SIPA1: variants seen among roughly 807,000 people sequenced by gnomAD.
SIPA1 encodes signal-induced proliferation-associated protein 1.
In SIPA1, 51 loss-of-function variants were observed where a neutral mutation model predicts 88.1. The observed-to-expected ratio is 0.58, with a 90% CI of 0.46 to 0.73. The LOEUF (loss-of-function observed/expected upper bound fraction) is 0.73, where lower values mean the gene tolerates loss of function less well. Among genes scored for constraint, SIPA1 ranks in the 30% least tolerant of loss-of-function variants. The pLI is 0.00. For synonymous variants in SIPA1, 681 were observed against 664.8 expected (o/e 1.02, Z -0.37); for missense variants, 1,348 against 1,467.6 (o/e 0.92, Z 1.33).
At chr11:65,638,366 C>T (rs1353329790) in intron 1 of SIPA1, 184 bp downstream of exon 1, 2 of 150,732 alleles carry the variant, frequency 1.3e-5, no homozygotes, top group African/African-American at 5.0e-5. Context: ...CCCCCTGTCT[C>T]TGACCAGCCG....
chr11:65,642,336 G>T lies in SIPA1; in HGVS notation c.766G>T (p.Gly256Cys), dbSNP rs1459776560. ...GGAGGAGAAGGAGGGCAGCGGAGGG[G>T]GCACCCTGCACAGCTACCGCGTCAT... is the stretch of plus-strand genomic sequence containing the variant. Reference protein sequence around the residue: ...RREEKEGSGGGTLHSYRVIVR... With the variant: ...RREEKEGSGGCTLHSYRVIVR... Residue 256 changes from glycine to cysteine, a missense_variant, in exon 3 of 16, where the codon GGC becomes TGC. By Grantham distance (159) the Gly-to-Cys change is radical (BLOSUM62 -3). Transcript: ENST00000534313. The surrounding 1 kb of genome is among the most constrained non-coding windows in gnomAD (Gnocchi z 6.5). 1.3e-6 allele frequency: 2 copies of T among 1,558,472 alleles called. No individual in the cohort carries two copies. The highest frequency in any genetic ancestry group is 2.0e-5 in the Admixed American group (1 of 49,716).
Position 65,650,616 on chromosome 11 carries a change from A to G in SIPA1, c.3030A>G (p.Arg1010=). Residue 1010 remains arginine (R), a synonymous_variant, in exon 16 of 16, where the codon AGA becomes AGG. Transcript: ENST00000534313. ...AALEEEVRSL[R]HNNRRLQAES... ...TGGAGGAGGAGGTGCGGAGCCTGAG[A>G]CACAACAACCGGCGGCTGCAGGCGG... 2 of 1,582,862 alleles carry G rather than the reference A, an allele frequency of 1.3e-6. No individual in the cohort carries two copies. The highest frequency in any genetic ancestry group is 1.1e-5 in the South Asian group (1 of 88,052).
intron 4 of SIPA1, among the ~76,000 whole-genome samples, chr11:65,643,178 G>A (rs538781416): frequency 2.2e-4 from 33 of 152,310 alleles, no homozygotes; most frequent in African/African-American, 7.9e-4. Context: ...GCCTCCCAAA[G>A]TGCTGGGATT....
intron 9 of SIPA1, 34 bp downstream of exon 9, chr11:65,647,692 G>A: frequency 1.5e-6 from 2 of 1,314,546 alleles, no homozygotes; most frequent in Non-Finnish European, 1.9e-6. Context: ...AGGTGGGAGG[G>A]CCGGCAGTTG....
In SIPA1 at chr11:65,640,968, C is replaced by A; in HGVS notation, c.47C>A (p.Ala16Asp). Reference sequence around the variant, plus strand: ...GTGGGGAGCCCTCGGCGGGGCATGGCCCCTGCGTCCACAGATGACCTCTTT... The same window carrying A: ...GTGGGGAGCCCTCGGCGGGGCATGGACCCTGCGTCCACAGATGACCTCTTT... ...GGVGSPRRGM[A>D]PASTDDLFAR... The change falls in exon 2 of 16, where the codon GCC becomes GAC. Residue 16 changes from alanine to aspartate, a missense_variant. Transcript: ENST00000534313. 1 of 1,568,508 alleles carries A rather than the reference C, an allele frequency of 6.4e-7. No homozygotes were observed. The highest frequency in any genetic ancestry group is 8.6e-7 in the Non-Finnish European group (1 of 1,164,766).
chr11:65,645,679 C>T, intron 5 of SIPA1, 175 bp from the exon 6 acceptor site: 1 of 554,106 alleles, frequency 1.8e-6, no homozygotes, highest in Non-Finnish European at 3.2e-6. Context: ...GGAGGAGGGG[C>T]ACCCAGGGCT....
intron 1 of SIPA1, chr11:65,638,439 T>C (rs1855940463): frequency 6.5e-6 from 1 of 152,818 alleles, no homozygotes; most frequent in South Asian, 2.1e-4. Context: ...AAGCGGCGGC[T>C]CCTGACTCCT....
chr11:65,639,798 C>G (rs1345602026), intron 1 of SIPA1: 1 of 152,240 alleles, frequency 6.6e-6, no homozygotes, highest in African/African-American at 2.4e-5. Context: ...AATCTTGCAT[C>G]CTGTGAGACC....
At chr11:65,647,779 A>AAGAATCTCC (rs1856162744) in intron 9 of SIPA1, 121 bp downstream of exon 9, 1 of 765,594 alleles carries the variant, frequency 1.3e-6, no homozygotes, top group Non-Finnish European at 1.7e-6. Context: ...TCCTTCTGGA[A>AAGAATCTCC]AGAATCTCCC....
chr11:65,646,784 G>A lies in SIPA1; in HGVS notation c.1750G>A (p.Gly584Arg), dbSNP rs1440358979. 1 of 1,389,510 alleles carries A rather than the reference G, an allele frequency of 7.2e-7. No individual in the cohort carries two copies. Among genetic ancestry groups the A allele is most frequent in the African/African-American group, 1.5e-5 (1 of 64,798 alleles). The allele number at this position is 1,389,510 out of a possible 1,614,324, so 86.1% of individuals were successfully genotyped here. ...ELQAAGSLVW[G>R]VRAAPGARVA... The stretch of plus-strand genomic sequence containing the variant: ...GCAGGCAGCGGGCTCACTGGTGTGG[G>A]GAGTGCGCGCGGCGCCCGGGGCGCG... Residue 584 changes from glycine to arginine, a missense_variant, in exon 8 of 16, where the codon GGA becomes AGA. Coordinates refer to ENST00000534313, the MANE Select transcript of SIPA1 (RefSeq NM_006747.4). This position sits in a 1 kb window ranked among gnomAD's most constrained non-coding sequence, Gnocchi z 7.5.
rs1162189843 is a variant in SIPA1, at chr11:65,641,480, C to G, written c.559C>G (p.Pro187Ala). ...TGGACCAGCATCCCCACCTGTGCCC[C>G]CTGCACTGCCCAACGCGGCCGTGTC... ...LGGPASPPVP[P>A]ALPNAAVSIL... The change falls in exon 2 of 16, where the codon CCT becomes GCT. Residue 187 changes from proline to alanine, a missense_variant. Physicochemically the swap from Pro to Ala is conservative, Grantham distance 27. This residue lies in a region of SIPA1 where 641 missense variants were observed against 797.7 expected (regional missense o/e 0.80). Transcript: ENST00000534313. 8 of 1,612,238 alleles carry G rather than the reference C, an allele frequency of 5.0e-6. No homozygotes were observed. Among genetic ancestry groups the G allele is most frequent in the Non-Finnish European group, 4.2e-6 (5 of 1,179,998 alleles).
rs545318066 is a variant in SIPA1, at chr11:65,641,664, A to C, written c.679+64A>C. The C allele has an allele frequency of 4.2e-4, 571 of 1,373,972 alleles. 2 individuals carry two copies. The African/African-American group carries it at 7.4e-3, about 18-fold the overall frequency. The allele number at this position is 1,373,972 out of a possible 1,614,324, so 85.1% of individuals were successfully genotyped here. A position where few individuals can be genotyped will look rare whatever the true frequency, so the allele number is the denominator to read the frequency against. Reference sequence around the variant, plus strand: ...TGAAGAAGAGGTCCCTGTCACCTGCAGTGCACACAGTAGGGCTCATGAACT... The same window carrying C: ...TGAAGAAGAGGTCCCTGTCACCTGCCGTGCACACAGTAGGGCTCATGAACT... On this transcript the variant is annotated intron_variant, in intron 2 of 15. Coordinates refer to ENST00000534313, the MANE Select transcript of SIPA1 (RefSeq NM_006747.4).
chr11:65,647,511 C>A lies in SIPA1; in HGVS notation c.2159C>A (p.Ala720Glu). 1 of 1,392,402 alleles carries A rather than the reference C, an allele frequency of 7.2e-7. No individual in the cohort carries two copies. The highest frequency in any genetic ancestry group is 1.5e-5 in the South Asian group (1 of 66,972). The allele number at this position is 1,392,402 out of a possible 1,614,324, so 86.3% of individuals were successfully genotyped here. The change falls in exon 9 of 16, where the codon GCG becomes GAG. Residue 720 changes from alanine (A) to glutamate (E), a missense_variant. Transcript: ENST00000534313. ...HVERFTFAET[A>E]GLRPGARLLR... ...GAGCGCTTCACATTCGCCGAGACGG[C>A]GGGGCTGCGGCCCGGGGCGCGCCTC...
Position 65,641,450 on chromosome 11 carries a change from C to G in SIPA1, c.529C>G (p.Leu177Val). 1 of 1,612,426 alleles carries G rather than the reference C, an allele frequency of 6.2e-7. No homozygotes were observed. The highest frequency in any genetic ancestry group is 1.1e-5 in the South Asian group (1 of 91,058). The part of the protein sequence containing the change: ...CELGGEGELG[L>V]GGPASPPVPP... ...GCTCGGGGGTGAGGGTGAGCTAGGC[C>G]TGGGTGGACCAGCATCCCCACCTGT... Residue 177 changes from leucine (L) to valine (V), a missense_variant, in exon 2 of 16, where the codon CTG becomes GTG. Coordinates refer to ENST00000534313, the MANE Select transcript of SIPA1 (RefSeq NM_006747.4).
rs139545189 is a variant in SIPA1 at position 65,650,627 on chromosome 11, G to C, written c.3041G>C (p.Arg1014Pro). 1.9e-6 allele frequency: 3 copies of C among 1,572,196 alleles called. No individual in the cohort carries two copies. The highest frequency in any genetic ancestry group is 2.6e-6 in the Non-Finnish European group (3 of 1,158,680). ...EEVRSLRHNN[R>P]RLQAESESAA... ...GTGCGGAGCCTGAGACACAACAACC[G>C]GCGGCTGCAGGCGGAGTCTGAGAGT... The change falls in exon 16 of 16, where the codon CGG becomes CCG. Residue 1014 changes from arginine to proline, a missense_variant. Physicochemically the swap from Arg to Pro is moderately radical, Grantham distance 103. Transcript: ENST00000534313.
At position 65,649,977 on chromosome 11, in the gene SIPA1, T is replaced by C. The variant is rs759240452; in HGVS notation, c.2774T>C (p.Leu925Pro). ...ATGTCGGAGGCGGGCAGTGGGACCC[T>C]GGAGGACGAGTGGCAGGCCATCTCG... is the stretch of plus-strand genomic sequence containing the variant. ...RIMSEAGSGTLEDEWQAISEI... is the reference protein window; with the variant it reads ...RIMSEAGSGTPEDEWQAISEI... Residue 925 changes from leucine (L) to proline (P), a missense_variant, in exon 13 of 16, where the codon CTG becomes CCG. Physicochemically the swap from Leu to Pro is moderately conservative, Grantham distance 98 (BLOSUM62 -3). Coordinates refer to ENST00000534313, the MANE Select transcript of SIPA1 (RefSeq NM_006747.4). The C allele has an allele frequency of 5.0e-6, 8 of 1,614,040 alleles. No homozygotes were observed. In the Admixed American group the frequency reaches 1.3e-4, roughly 27 times the overall value.
At position 65,644,969 on chromosome 11, in the gene SIPA1, C is replaced by T; in HGVS notation, c.999C>T (p.Arg333=). Residue 333 remains arginine, a synonymous_variant, in exon 5 of 16, where the codon CGC becomes CGT. Transcript: ENST00000534313. ...TLDEQVLSFQ[R]KVGILYCRAG... is the part of the protein sequence containing the mutation. ...CCCACCCACAGCTGAGCTTCCAACG[C>T]AAGGTGGGCATCCTGTACTGCCGGG... 6.2e-7 allele frequency: 1 copy of T among 1,613,036 alleles called. No individual in the cohort carries two copies. Among genetic ancestry groups the T allele is most frequent in the Non-Finnish European group, 8.5e-7 (1 of 1,179,304 alleles).
At chr11:65,641,621 G>A in intron 2 of SIPA1, 21 bp downstream of exon 2, 1 of 1,582,020 alleles carries the variant, frequency 6.3e-7, no homozygotes, top group Non-Finnish European at 8.6e-7. Flanking sequence ...GCAGTTCCAG[G>A]GAGTGGAGGA....
At chr11:65,650,111 G>C (rs1856232817) in intron 13 of SIPA1, 27 bp from the exon 14 acceptor site, 1 of 1,613,810 alleles carries the variant, frequency 6.2e-7, no homozygotes, top group African/African-American at 1.3e-5. Context: ...TTTCTGACCT[G>C]CCCACCTGAT....
Sources: gnomAD v4.1 joint callset for allele counts (sites outside exome capture counted in the v4.1 genomes callset) on GRCh38, gnomAD v4.1.1 for gene constraint, gnomAD v4.1.1 regional missense constraint, Gnocchi (gnomAD v3.1) non-coding constraint, MANE v1.5 for transcripts, NCBI Gene and HGNC (gene_info 2026-07-23, HGNC 2026-07-21) for gene names.